Variants in EBF1 observed in about 807,000 individuals in gnomAD.
EBF1 encodes the protein EBF transcription factor 1.
A neutral mutation model predicts 68.4 loss-of-function variants in EBF1; 10 were observed. The observed-to-expected ratio is 0.15, with a 90% CI of 0.09 to 0.25. EBF1 has a LOEUF of 0.25. Among genes scored for constraint, EBF1 ranks in the 10% least tolerant of loss-of-function variants. The pLI is 1.00. For missense variants in EBF1, 509 were observed against 794.4 expected (o/e 0.64, Z 4.32); for synonymous variants, 298 against 299.8 (o/e 0.99, Z 0.06).
At chr5:158,965,638 G>T (rs1045996837) in intron 6 of EBF1, among the ~76,000 whole-genome samples, 4 of 152,146 alleles carry the variant, frequency 2.6e-5, no homozygotes, top group African/African-American at 9.7e-5. Flanking sequence ...TAAGATTTGG[G>T]ATTAAAGAAG....
At chr5:158,891,452 A>C (rs1801166681) in intron 6 of EBF1, among the ~76,000 whole-genome samples, 1 of 152,128 alleles carries the variant, frequency 6.6e-6, no homozygotes, top group Admixed American at 6.6e-5. Flanking sequence ...GCAAAAAATA[A>C]ATCTCTCCAG....
At chr5:158,779,864 G>A (rs1480993178) in intron 9 of EBF1, among the ~76,000 whole-genome samples, 1 of 152,076 alleles carries the variant, frequency 6.6e-6, no homozygotes, top group East Asian at 1.9e-4. Flanking sequence ...TAAAGCATTA[G>A]GCTCAGGAAA....
At chr5:158,966,050 GAGTA>G (rs1430436222) in intron 6 of EBF1, among the ~76,000 whole-genome samples, 1 of 152,184 alleles carries the variant, frequency 6.6e-6, no homozygotes, top group African/African-American at 2.4e-5. Flanking sequence ...AGGAAACCTT[GAGTA>G]AGGCAGAGGA....
intron 6 of EBF1, among the ~76,000 whole-genome samples, chr5:158,995,325 G>A (rs1416351282): frequency 1.3e-5 from 2 of 152,148 alleles, no homozygotes; most frequent in Admixed American, 6.5e-5. Context: ...ATTTAACAAG[G>A]CACAATGGTT....
In EBF1 at chr5:158,740,886, CT is replaced by C. The variant is rs753633691; in HGVS notation, c.1037-9730del. 6.6e-5 allele frequency among the ~76,000 whole-genome samples: 10 copies of C among 152,336 alleles called. No homozygotes were observed. In the South Asian group the frequency reaches 2.1e-3, roughly 32 times the overall value. On this transcript the variant is annotated intron_variant, in intron 10 of 15. Coordinates refer to ENST00000313708, the MANE Select transcript of EBF1 (RefSeq NM_024007.5). ...GTCTACTACTTCAGAGCTCCTCAAA[CT>C]TTCTCTGTTCACAGTACCCTGAGTA...
intron 6 of EBF1, among the ~76,000 whole-genome samples, chr5:158,867,068 A>G (rs1384232160): frequency 6.6e-6 from 1 of 151,978 alleles, no homozygotes; most frequent in Non-Finnish European, 1.5e-5. Flanking sequence ...ATGCAGCACT[A>G]GGAACCATGA....
intron 1 of EBF1, 94 bp downstream of exon 1, chr5:159,099,251 C>A (rs1311456642): frequency 9.5e-7 from 1 of 1,055,562 alleles, no homozygotes; most frequent in Non-Finnish European, 1.2e-6. Context: ...GCCGCCCGGC[C>A]CCGCGGCAGC....
At chr5:158,805,612 A>C (rs950577306) in intron 8 of EBF1, among the ~76,000 whole-genome samples, 1 of 152,064 alleles carries the variant, frequency 6.6e-6, no homozygotes, top group Non-Finnish European at 1.5e-5. Context: ...AATTTTGCTA[A>C]GAAGAAATTT....
In EBF1 at chr5:158,708,033, G is replaced by T. The variant is rs1374422416; in HGVS notation, c.1690C>A (p.Pro564Thr). Residue 564 changes from proline to threonine, a missense_variant, in exon 15 of 16, where the codon CCC (proline) becomes ACC (threonine). By Grantham distance (38) the Pro-to-Thr change is conservative (BLOSUM62 -1). Transcript: ENST00000313708. ...CAGGTGGGAGGTGGGGAGGTCTGGG[G>T]TCTGACGACTGGTGCGAAAGCACTC... ...QKSAFAPVVR[P>T]QTSPPPTCTS... is the part of the protein sequence containing the mutation. The T allele has an allele frequency of 6.4e-7, 1 of 1,552,526 alleles. No individual in the cohort carries two copies. Among genetic ancestry groups the T allele is most frequent in the South Asian group, 1.2e-5 (1 of 84,128 alleles).
chr5:159,062,606 A>G (rs891357057), intron 6 of EBF1, among the ~76,000 whole-genome samples: 1 of 152,198 alleles, frequency 6.6e-6, no homozygotes, highest in African/African-American at 2.4e-5. Context: ...ATATAAAACA[A>G]AGGCGCTGCT....
intron 6 of EBF1, among the ~76,000 whole-genome samples, chr5:158,951,712 G>A (rs1010230394): frequency 2.0e-5 from 3 of 152,138 alleles, no homozygotes; most frequent in Non-Finnish European, 4.4e-5. Flanking sequence ...CTCTGATTGG[G>A]ACCAAGAGGG....
intron 5 of EBF1, 79 bp downstream of exon 5, chr5:159,084,585 AAG>A: frequency 2.4e-6 from 3 of 1,271,848 alleles, no homozygotes; most frequent in Admixed American, 3.0e-5. Context: ...AAAAAAAAAA[AAG>A]ACCAAAGTTC....
intron 7 of EBF1, among the ~76,000 whole-genome samples, chr5:158,828,639 T>A (rs1786766420): frequency 6.6e-6 from 1 of 152,228 alleles, no homozygotes; most frequent in African/African-American, 2.4e-5. Flanking sequence ...ATTCTGGTTG[T>A]CATATTGTAA....
intron 6 of EBF1, among the ~76,000 whole-genome samples, chr5:158,840,815 G>A (rs1410503520): frequency 1.3e-5 from 2 of 149,236 alleles, no homozygotes; most frequent in Non-Finnish European, 3.0e-5. Context: ...GGGACTACAG[G>A]CGCCCGCCAC....
At chr5:158,981,729 C>G (rs147900880) in intron 6 of EBF1, among the ~76,000 whole-genome samples, 2 of 152,104 alleles carry the variant, frequency 1.3e-5, no homozygotes, top group Non-Finnish European at 2.9e-5. Context: ...ATGATATAAT[C>G]CACAAGCTCC....
intron 6 of EBF1, among the ~76,000 whole-genome samples, chr5:159,056,934 A>T (rs1432554931): frequency 6.6e-6 from 1 of 152,166 alleles, no homozygotes; most frequent in Non-Finnish European, 1.5e-5. Flanking sequence ...GCAAACAAAA[A>T]CAAAAATTGC....
At chr5:158,801,390 G>A (rs1780547916) in intron 8 of EBF1, among the ~76,000 whole-genome samples, 1 of 152,040 alleles carries the variant, frequency 6.6e-6, no homozygotes, top group Admixed American at 6.6e-5. Flanking sequence ...ATTGTTTTAT[G>A]AGTACCATGT....
intron 1 of EBF1, 39 bp downstream of exon 1, chr5:159,099,306 C>T (rs753357460): frequency 1.2e-5 from 18 of 1,440,032 alleles, no homozygotes; most frequent in Middle Eastern, 2.0e-4. Context: ...CTCTCCCGCT[C>T]GCGGCTCACC....
chr5:159,069,287 T>C (rs1433339797), intron 6 of EBF1, among the ~76,000 whole-genome samples: 1 of 151,978 alleles, frequency 6.6e-6, no homozygotes, highest in African/African-American at 2.4e-5. Flanking sequence ...TCACCCTTAC[T>C]TAATGGTTCA....
Sources: gnomAD v4.1 joint callset for allele counts (sites outside exome capture counted in the v4.1 genomes callset) on GRCh38, gnomAD v4.1.1 for gene constraint, MANE v1.5 for transcripts, NCBI Gene and HGNC (gene_info 2026-07-23, HGNC 2026-07-21) for gene names.